The following PSMD5 variants were observed in gnomAD, a reference collection of about 807,000 sequenced individuals.
PSMD5 encodes the protein proteasome 26S subunit, non-ATPase 5.
A neutral mutation model predicts 52.1 loss-of-function variants in PSMD5; 40 were observed. The observed-to-expected ratio is 0.77, with a 90% confidence interval of 0.60 to 1.00. The LOEUF (loss-of-function observed/expected upper bound fraction) is 1.00, where lower values mean the gene tolerates loss of function less well. Among genes scored for constraint, PSMD5 ranks in the 50% least tolerant of loss-of-function variants. PSMD5 has a pLI of 0.00. For missense variants in PSMD5, 575 were observed against 605.2 expected, an observed-to-expected ratio of 0.95 and a Z score of 0.52; for synonymous variants, 211 against 226.6, an observed-to-expected ratio of 0.93 and a Z score of 0.62.
chr9:120,839,835 G>C (rs2045221879), intron 1 of PSMD5, among the ~76,000 whole-genome samples: 3 of 129,812 alleles, frequency 2.3e-5, no homozygotes, highest in South Asian at 4.7e-4. Flanking sequence ...CAGAGTCTTG[G>C]CTGGGCGCAG....
intron 3 of PSMD5, 95 bp from the exon 4 acceptor site, chr9:120,831,554 T>A (rs2045160266): frequency 7.2e-6 from 10 of 1,395,720 alleles, no homozygotes; most frequent in Non-Finnish European, 6.7e-6. Context: ...GAATGCACCT[T>A]GCCCATGTTT....
rs547523681 is a variant in PSMD5, at chr9:120,833,352, A to G, written c.278T>C (p.Ile93Thr). The change falls in exon 2 of 10, where the codon ATT becomes ACT. Residue 93 changes from isoleucine (I) to threonine (T), a missense_variant. Transcript: ENST00000210313. ...NLRVDLQRGL[I>T]HPDDSVKILT... ...GATTTTTACAGAATCATCAGGGTGA[A>G]TTAGTCCCCTCTGCAGGTCAACCCT... 2.5e-6 allele frequency: 4 copies of G among 1,614,098 alleles called. No homozygotes were observed. In the South Asian group the frequency reaches 4.4e-5, roughly 18 times the overall value.
In PSMD5 at chr9:120,827,996, T is replaced by A. The variant is rs142519670; in HGVS notation, c.672-1089A>T. Among the ~76,000 whole-genome samples the A allele has an allele frequency of 3.3e-3, 495 of 152,304 alleles. 4 individuals carry two copies. Among genetic ancestry groups the A allele is most frequent in the African/African-American group, 0.011 (474 of 41,582 alleles). ...TGGTCAATTAGCTTAATTCTTACAA[T>A]ATCTTTTTATTTTTTTTGAGACGGA... On this transcript the variant is annotated intron_variant, in intron 5 of 9. Coordinates refer to ENST00000210313, the MANE Select transcript of PSMD5 (RefSeq NM_005047.4).
At chr9:120,824,287 T>C (rs2045106439) in intron 7 of PSMD5, 1 of 557,174 alleles carries the variant, frequency 1.8e-6, no homozygotes, top group African/African-American at 2.3e-5. Flanking sequence ...AATGAAAACC[T>C]AAACCAGTGA....
intron 1 of PSMD5, 86 bp downstream of exon 1, chr9:120,842,651 A>C: frequency 1.3e-6 from 2 of 1,497,898 alleles, no homozygotes; most frequent in Non-Finnish European, 1.8e-6. Flanking sequence ...GTGACTGGGA[A>C]AAGCGCTGTT....
chr9:120,828,043 C>G (rs1355142776), intron 5 of PSMD5, among the ~76,000 whole-genome samples: 1 of 152,186 alleles, frequency 6.6e-6, no homozygotes, highest in Non-Finnish European at 1.5e-5. Flanking sequence ...GTTGCCCAGG[C>G]TGGAGTGCAA....
Position 120,817,104 on chromosome 9 carries a change from T to C in PSMD5, c.*802A>G, listed in dbSNP as rs1312891578. Reference sequence around the variant, plus strand: ...AGTAACAAAAAAACAAGAGAGCTCATAAAAAGTATTCTGAGTATAAGGAAC... The same window carrying C: ...AGTAACAAAAAAACAAGAGAGCTCACAAAAAGTATTCTGAGTATAAGGAAC... On this transcript the variant is annotated 3_prime_UTR_variant, in exon 10 of 10. Coordinates refer to ENST00000210313, the MANE Select transcript of PSMD5 (RefSeq NM_005047.4). 4 of 151,998 alleles carry C rather than the reference T, an allele frequency of 2.6e-5. No individual in the cohort carries two copies. Among genetic ancestry groups the C allele is most frequent in the South Asian group, 2.1e-4 (1 of 4,814 alleles). 9.4% of individuals were successfully genotyped at this position (151,998 alleles called of 1,614,324 possible).
At chr9:120,841,108 G>A (rs918420001) in intron 1 of PSMD5, among the ~76,000 whole-genome samples, 6 of 152,124 alleles carry the variant, frequency 3.9e-5, no homozygotes, top group African/African-American at 1.4e-4. Context: ...AATAAAAGTT[G>A]TCCTACTATT....
chr9:120,839,736 G>C (rs920342080), intron 1 of PSMD5, among the ~76,000 whole-genome samples: 2 of 148,708 alleles, frequency 1.3e-5, no homozygotes, highest in African/African-American at 5.0e-5. Context: ...CAAATACAAA[G>C]TGGTTTTTTT....
At position 120,823,667 on chromosome 9, in the gene PSMD5, A is replaced by T. The variant is rs554170561; in HGVS notation, c.1006+827T>A. Among the ~76,000 whole-genome samples the T allele has an allele frequency of 9.3e-4, 142 of 151,982 alleles. 3 individuals carry two copies. Among genetic ancestry groups the T allele is most frequent in the African/African-American group, 3.2e-3 (132 of 41,454 alleles). On this transcript the variant is annotated intron_variant, in intron 7 of 9. Coordinates refer to ENST00000210313, the MANE Select transcript of PSMD5 (RefSeq NM_005047.4). The stretch of plus-strand genomic sequence containing the variant: ...GCTGGGACTACAGTTGTGCAGTACC[A>T]TGCCTGGTTAATTTTTGTATTCTTG...
chr9:120,826,958 A>T lies in PSMD5; in HGVS notation c.672-51T>A, dbSNP rs1302587840. ...AGGAGATTTTGCACAGGATTTGCATAGTTTATAAATTGCTCTCATACAGGT... is the reference window on the plus strand; with the variant it reads ...AGGAGATTTTGCACAGGATTTGCATTGTTTATAAATTGCTCTCATACAGGT... On this transcript the variant is annotated intron_variant, in intron 5 of 9. Coordinates refer to ENST00000210313, the MANE Select transcript of PSMD5 (RefSeq NM_005047.4). 3.9e-6 allele frequency: 6 copies of T among 1,538,960 alleles called. No homozygotes were observed. The South Asian group carries it at 7.2e-5, about 18-fold the overall frequency.
At position 120,818,040 on chromosome 9, in the gene PSMD5, T is replaced by C. The variant is rs1257341505; in HGVS notation, c.1381A>G (p.Lys461Glu). Residue 461 changes from lysine to glutamate, a missense_variant, in exon 10 of 10, where the codon AAA (lysine) becomes GAA (glutamate). Physicochemically the swap from Lys to Glu is moderately conservative, Grantham distance 56. Transcript: ENST00000210313. ...ATTGTCTTGGAATTGGCAAGTGCTT[T>C]CACTAGTTCATATTTGGCATCCTTT... ...ASKDAKYELV[K>E]ALANSKTIAE... The C allele has an allele frequency of 6.2e-7, 1 of 1,614,226 alleles. No homozygotes were observed. Among genetic ancestry groups the C allele is most frequent in the Non-Finnish European group, 8.5e-7 (1 of 1,180,046 alleles).
At chr9:120,824,897 C>T in intron 6 of PSMD5, 1 of 438,162 alleles carries the variant, frequency 2.3e-6, no homozygotes, top group Non-Finnish European at 4.0e-6. Flanking sequence ...GGAGCTGGGA[C>T]CAGCTATTGA....
chr9:120,823,701 T>G (rs968205444), intron 7 of PSMD5, among the ~76,000 whole-genome samples: 8 of 151,640 alleles, frequency 5.3e-5, no homozygotes, highest in Middle Eastern at 3.4e-3. Context: ...TGAGTAGAGA[T>G]AGGATTTTGC....
chr9:120,822,828 CTT>C (rs2045095152), intron 7 of PSMD5, among the ~76,000 whole-genome samples: 1 of 151,802 alleles, frequency 6.6e-6, no homozygotes, highest in African/African-American at 2.4e-5. Context: ...CGCCTGGCCT[CTT>C]TTTAAATTTT....
At chr9:120,838,501 C>A (rs566634648) in intron 1 of PSMD5, among the ~76,000 whole-genome samples, 2 of 152,208 alleles carry the variant, frequency 1.3e-5, no homozygotes, top group African/African-American at 2.4e-5. Context: ...TGAACCAACA[C>A]ACAACAACTT....
At position 120,817,917 on chromosome 9, in the gene PSMD5, C is replaced by A. The variant is rs1375122850; in HGVS notation, c.1504G>T (p.Gly502Ter). The A allele has an allele frequency of 6.2e-7, 1 of 1,612,376 alleles. No individual in the cohort carries two copies. Among genetic ancestry groups the A allele is most frequent in the South Asian group, 1.1e-5 (1 of 91,042 alleles). The change falls in exon 10 of 10, where the codon GGA (glycine) becomes TGA (stop). Residue 502 changes from glycine to a stop codon, truncating the protein, a stop_gained. Transcript: ENST00000210313. LOFTEE classifies it high-confidence loss of function. The stretch of plus-strand genomic sequence containing the variant: ...AGCTCTAGAAGAAATCATTCGGCTC[C>A]TTCTACTGCTGTCGTGGAAACAGGT... Reference protein sequence around the residue: ...VKPVSTTAVEGAE With the variant: ...VKPVSTTAVE
intron 1 of PSMD5, among the ~76,000 whole-genome samples, chr9:120,838,923 T>C (rs1300714623): frequency 6.6e-6 from 1 of 152,220 alleles, no homozygotes; most frequent in Non-Finnish European, 1.5e-5. Context: ...TCAAAGAATT[T>C]ACAAACTGGA....
At chr9:120,829,013 C>A in intron 5 of PSMD5, 86 bp downstream of exon 5, 1 of 1,385,026 alleles carries the variant, frequency 7.2e-7, no homozygotes, top group Non-Finnish European at 9.5e-7. Context: ...GGCAAAGTCT[C>A]TAATAGAGAA....
Sources: allele counts gnomAD v4.1 joint callset (sites outside exome capture counted in the v4.1 genomes callset), GRCh38; gene constraint gnomAD v4.1.1; transcripts MANE v1.5; gene names NCBI Gene and HGNC (gene_info 2026-07-23, HGNC 2026-07-21).